OR51B5: variants seen among roughly 807,000 people sequenced by gnomAD.
OR51B5 encodes olfactory receptor 51B5.
For synonymous variants in OR51B5, 186 were observed against 144.8 expected, an observed-to-expected ratio of 1.28 and a Z score of -2.04; for missense variants, 456 against 374.6, an observed-to-expected ratio of 1.22 and a Z score of -1.79.
chr11:5,352,763 CATACAT>C (rs1250834944), intron 1 of OR51B5, among the ~76,000 whole-genome samples: 2 of 149,976 alleles, frequency 1.3e-5, no homozygotes, highest in African/African-American at 2.4e-5. Context: ...TACTTACACA[CATACAT>C]ATACACACAC....
At chr11:5,424,920 T>C (rs1255516421) in intron 1 of OR51B5, among the ~76,000 whole-genome samples, 5 of 100,516 alleles carry the variant, frequency 5.0e-5, no homozygotes, top group Non-Finnish European at 8.9e-5. Flanking sequence ...AGGCGGAGCT[T>C]GCAGTGAGCC....
chr11:5,363,787 A>G (rs939065073), intron 1 of OR51B5, among the ~76,000 whole-genome samples: 2 of 152,114 alleles, frequency 1.3e-5, no homozygotes, highest in Non-Finnish European at 2.9e-5. Flanking sequence ...AAAACTAGGG[A>G]CCATATGCAA....
downstream of OR51B5, among the ~76,000 whole-genome samples, chr11:5,342,060 T>A (rs1469314548): frequency 4.6e-5 from 7 of 152,026 alleles, no homozygotes; most frequent in African/African-American, 1.7e-4. Flanking sequence ...AGTAATTAGG[T>A]CACTGATCAA....
chr11:5,383,146 G>C (rs1288825868), intron 1 of OR51B5, among the ~76,000 whole-genome samples: 3 of 152,042 alleles, frequency 2.0e-5, no homozygotes, highest in Non-Finnish European at 4.4e-5. Context: ...AAGGAAAAAA[G>C]TTTTGTAAAG....
intron 1 of OR51B5, chr11:5,441,661 T>C: frequency 1.5e-6 from 1 of 645,726 alleles, no homozygotes; most frequent in Non-Finnish European, 2.6e-6. Flanking sequence ...CACTCATCTC[T>C]TTAAGGAAGC....
intron 1 of OR51B5, among the ~76,000 whole-genome samples, chr11:5,406,227 C>T (rs1850056646): frequency 6.6e-6 from 1 of 152,148 alleles, no homozygotes; most frequent in African/African-American, 2.4e-5. Context: ...TACTGAAGTT[C>T]TGTAAAGATA....
intron 1 of OR51B5, among the ~76,000 whole-genome samples, chr11:5,365,381 C>G (rs79696952): frequency 6.6e-6 from 1 of 152,126 alleles, no homozygotes; most frequent in East Asian, 1.9e-4. Flanking sequence ...GGCATGGCAA[C>G]AAGTAACCAA....
chr11:5,484,694 A>G (rs1480570492), intron 1 of OR51B5, among the ~76,000 whole-genome samples: 1 of 152,204 alleles, frequency 6.6e-6, no homozygotes, highest in Non-Finnish European at 1.5e-5. Flanking sequence ...CGGTTTACCA[A>G]TGGGAGAGGT....
intron 1 of OR51B5, among the ~76,000 whole-genome samples, chr11:5,440,109 CACAA>C (rs993803548): frequency 1.1e-4 from 17 of 152,208 alleles, no homozygotes; most frequent in African/African-American, 4.1e-4. Flanking sequence ...TTTTTATTAC[CACAA>C]ACAAAGTAGA....
chr11:5,440,407 GA>G (rs1240222417), intron 1 of OR51B5, among the ~76,000 whole-genome samples: 1 of 152,220 alleles, frequency 6.6e-6, no homozygotes, highest in East Asian at 1.9e-4. Context: ...CATAAGTATT[GA>G]ATAAATATGT....
At chr11:5,420,050 G>A (rs531196798) in intron 1 of OR51B5, among the ~76,000 whole-genome samples, 1 of 151,462 alleles carries the variant, frequency 6.6e-6, no homozygotes, top group Non-Finnish European at 1.5e-5. Context: ...AGTTATGATA[G>A]GTGATAGATA....
At chr11:5,446,022 G>A (rs908371475) in intron 1 of OR51B5, among the ~76,000 whole-genome samples, 9 of 151,862 alleles carry the variant, frequency 5.9e-5, no homozygotes, top group African/African-American at 1.5e-4. Flanking sequence ...ACCAAACACC[G>A]CATGTTCTCA....
chr11:5,401,952 CTT>C (rs1849977054), intron 1 of OR51B5, among the ~76,000 whole-genome samples: 1 of 146,560 alleles, frequency 6.8e-6, no homozygotes, highest in African/African-American at 2.5e-5. Flanking sequence ...TCTTTCCTCT[CTT>C]CTTTCCTTCC....
upstream of OR51B5, among the ~76,000 whole-genome samples, chr11:5,347,891 C>T (rs1849017408): frequency 6.6e-6 from 1 of 152,120 alleles, no homozygotes; most frequent in African/African-American, 2.4e-5. Context: ...CAGCCAGGCT[C>T]ATGTGCAGAT....
chr11:5,438,248 G>T (rs962813286), intron 1 of OR51B5, among the ~76,000 whole-genome samples: 1 of 150,650 alleles, frequency 6.6e-6, no homozygotes, highest in South Asian at 2.1e-4. Context: ...GCATGAAGGG[G>T]AACAAACCTG....
At chr11:5,446,942 C>A (rs1200526957) in intron 1 of OR51B5, among the ~76,000 whole-genome samples, 1 of 152,142 alleles carries the variant, frequency 6.6e-6, no homozygotes, top group Non-Finnish European at 1.5e-5. Flanking sequence ...AAGTAGTTCC[C>A]AGAGAAATCT....
chr11:5,453,879 C>G (rs780180209), intron 1 of OR51B5: 1 of 1,614,058 alleles, frequency 6.2e-7, no homozygotes, highest in Non-Finnish European at 8.5e-7. Flanking sequence ...TGACCCCTTG[C>G]GCTATGCAAC....
chr11:5,444,955 T>C (rs1850739951), intron 1 of OR51B5, among the ~76,000 whole-genome samples: 1 of 152,190 alleles, frequency 6.6e-6, no homozygotes, highest in Non-Finnish European at 1.5e-5. Context: ...ATAGCTCTCC[T>C]GAGACCTTCA....
intron 1 of OR51B5, among the ~76,000 whole-genome samples, chr11:5,403,930 A>G (rs1362649747): frequency 1.3e-5 from 2 of 152,046 alleles, no homozygotes; most frequent in African/African-American, 4.8e-5. Flanking sequence ...AATGTATTAC[A>G]TTGTCTTCAG....
Sources: allele counts gnomAD v4.1 joint callset (sites outside exome capture counted in the v4.1 genomes callset), GRCh38; gene constraint gnomAD v4.1.1; transcripts MANE v1.5; gene names NCBI Gene and HGNC (gene_info 2026-07-23, HGNC 2026-07-21).